CDH18: variants seen among roughly 807,000 people sequenced by gnomAD.
CDH18 encodes cadherin-18.
In CDH18, 31 loss-of-function variants were observed where a neutral mutation model predicts 67.9. The ratio of observed to expected loss-of-function variants is 0.46; its 90% CI spans 0.34 to 0.62. The LOEUF (loss-of-function observed/expected upper bound fraction) is 0.62, where lower values mean the gene tolerates loss of function less well. Ranked by LOEUF, CDH18 falls within the 20% of genes least tolerant of loss-of-function variation. The pLI is 0.01. For missense variants in CDH18, 890 were observed against 975.5 expected (o/e 0.91, Z 1.17); for synonymous variants, 362 against 347.2 (o/e 1.04, Z -0.48).
At chr5:19,785,010 T>A (rs1775546721) in intron 3 of CDH18, among the ~76,000 whole-genome samples, 1 of 152,166 alleles carries the variant, frequency 6.6e-6, no homozygotes, top group South Asian at 2.1e-4. Context: ...CCCCCAGTCC[T>A]GGAGCCTGGA....
chr5:20,293,329 CAAAACA>C (rs1335990294), intron 1 of CDH18, among the ~76,000 whole-genome samples: 1 of 151,468 alleles, frequency 6.6e-6, no homozygotes, highest in East Asian at 1.9e-4. Flanking sequence ...AAAAACAAAA[CAAAACA>C]AAAACAAAAA....
intron 1 of CDH18, among the ~76,000 whole-genome samples, chr5:20,328,473 TTG>T (rs70954646): frequency 0.28 from 39,177 of 140,788 alleles, 5,694 homozygotes; most frequent in East Asian, 0.71. Flanking sequence ...GAGAAGCCAT[TTG>T]TGTGTGTGTG....
chr5:19,598,549 A>G (rs1268483291), intron 6 of CDH18, among the ~76,000 whole-genome samples: 1 of 152,164 alleles, frequency 6.6e-6, no homozygotes, highest in Non-Finnish European at 1.5e-5. Context: ...GTTAAACTTC[A>G]TGTAACACTC....
intron 9 of CDH18, among the ~76,000 whole-genome samples, chr5:19,524,572 C>G (rs1747438360): frequency 6.6e-6 from 1 of 151,810 alleles, no homozygotes; most frequent in Non-Finnish European, 1.5e-5. Flanking sequence ...TGACTATTAC[C>G]ACTACATACA....
intron 2 of CDH18, among the ~76,000 whole-genome samples, chr5:20,139,552 C>A (rs1230746993): frequency 6.6e-6 from 1 of 152,046 alleles, no homozygotes; most frequent in Admixed American, 6.6e-5. Flanking sequence ...GGGAGAAAAT[C>A]TTTGCAATCT....
intron 9 of CDH18, 123 bp downstream of exon 9, chr5:19,543,746 C>T (rs1735810232): frequency 1.7e-6 from 1 of 589,418 alleles, no homozygotes; most frequent in East Asian, 2.7e-5. Flanking sequence ...CTAATACACT[C>T]CGCTTACTCT....
intron 2 of CDH18, among the ~76,000 whole-genome samples, chr5:20,219,738 T>G (rs1212046827): frequency 6.6e-6 from 1 of 151,908 alleles, no homozygotes; most frequent in African/African-American, 2.4e-5. Context: ...ATCCTTATGA[T>G]CATTTCAATT....
intron 1 of CDH18, among the ~76,000 whole-genome samples, chr5:20,311,250 C>T (rs1407660063): frequency 2.0e-5 from 3 of 152,000 alleles, no homozygotes; most frequent in Admixed American, 6.6e-5. Flanking sequence ...ATTTCTCCAG[C>T]GTCTAGAACT....
At chr5:20,277,773 A>C (rs575520267) in intron 1 of CDH18, among the ~76,000 whole-genome samples, 1 of 152,280 alleles carries the variant, frequency 6.6e-6, no homozygotes, top group South Asian at 2.1e-4. Context: ...AAGATAACAC[A>C]GAGAAAGAAT....
At chr5:20,356,301 T>G (rs1027747230) in intron 1 of CDH18, among the ~76,000 whole-genome samples, 1 of 152,120 alleles carries the variant, frequency 6.6e-6, no homozygotes, top group Non-Finnish European at 1.5e-5. Flanking sequence ...GAGAACTGCT[T>G]GAATCCAGGA....
At chr5:20,182,104 G>C (rs749898508) in intron 2 of CDH18, among the ~76,000 whole-genome samples, 1 of 152,050 alleles carries the variant, frequency 6.6e-6, no homozygotes, top group African/African-American at 2.4e-5. Flanking sequence ...TTGAACTGGC[G>C]AAAGTGGCAT....
chr5:19,800,320 T>C (rs931473394), intron 3 of CDH18, among the ~76,000 whole-genome samples: 9 of 152,148 alleles, frequency 5.9e-5, no homozygotes, highest in Admixed American at 5.9e-4. Context: ...CCAGAGCATT[T>C]AGCACGTAGT....
rs546737617 is a variant in CDH18, at chr5:19,820,989, C to T, written c.228+17770G>A. On this transcript the variant is annotated intron_variant, in intron 3 of 12. Coordinates refer to ENST00000382275, the MANE Select transcript of CDH18 (RefSeq NM_004934.5). ...CAGAAACTTCAAAAAAATAATGAAACGTTACTCATCTCAGATGAGAAGACA... is the reference window on the plus strand; with the variant it reads ...CAGAAACTTCAAAAAAATAATGAAATGTTACTCATCTCAGATGAGAAGACA... 8.5e-5 allele frequency among the ~76,000 whole-genome samples: 13 copies of T among 152,094 alleles called. No individual in the cohort carries two copies. In the East Asian group the frequency reaches 1.5e-3, roughly 18 times the overall value.
intron 2 of CDH18, among the ~76,000 whole-genome samples, chr5:19,875,587 T>C (rs771980615): frequency 3.9e-5 from 6 of 152,018 alleles, no homozygotes; most frequent in Non-Finnish European, 7.4e-5. Flanking sequence ...TTTTGATACA[T>C]AAAGCAGAAA....
At chr5:20,484,500 T>C (rs987917017) in intron 1 of CDH18, among the ~76,000 whole-genome samples, 3 of 152,102 alleles carry the variant, frequency 2.0e-5, no homozygotes, top group African/African-American at 7.2e-5. Flanking sequence ...GCAGCACTAT[T>C]CACCATAGCC....
intron 1 of CDH18, among the ~76,000 whole-genome samples, chr5:20,326,836 T>A (rs1580758878): frequency 1.3e-5 from 2 of 152,306 alleles, no homozygotes; most frequent in South Asian, 4.1e-4. Context: ...CCACCGGGCC[T>A]GGCCACATAT....
chr5:20,169,784 G>GA (rs906927287), intron 2 of CDH18, among the ~76,000 whole-genome samples: 1 of 151,852 alleles, frequency 6.6e-6, no homozygotes, highest in East Asian at 1.9e-4. Context: ...TTCAATTGGA[G>GA]AAAAAAATGT....
chr5:19,845,475 G>T (rs990887540), intron 2 of CDH18, among the ~76,000 whole-genome samples: 2 of 152,128 alleles, frequency 1.3e-5, no homozygotes, highest in African/African-American at 4.8e-5. Flanking sequence ...AGAGAAGAAT[G>T]TGTGTTTTGA....
intron 5 of CDH18, among the ~76,000 whole-genome samples, chr5:19,655,797 G>A (rs1018542612): frequency 3.3e-5 from 5 of 151,944 alleles, no homozygotes; most frequent in Non-Finnish European, 7.4e-5. Flanking sequence ...CGGTGTCTCT[G>A]GAAGCAAAAT....
Sources: gnomAD v4.1 joint callset for allele counts (sites outside exome capture counted in the v4.1 genomes callset) on GRCh38, gnomAD v4.1.1 for gene constraint, MANE v1.5 for transcripts, NCBI Gene and HGNC (gene_info 2026-07-23, HGNC 2026-07-21) for gene names.